The following UNC13C variants were observed in gnomAD, a reference collection of about 807,000 sequenced individuals.
UNC13C encodes the protein unc-13 homolog C, also known as protein unc-13 homolog C.
A neutral mutation model predicts 245.4 loss-of-function variants in UNC13C; 174 were observed. The observed-to-expected ratio is 0.71, with a 90% CI of 0.63 to 0.80. The LOEUF (loss-of-function observed/expected upper bound fraction) is 0.80, where lower values mean the gene tolerates loss of function less well. UNC13C is among the 30% of genes least tolerant of loss of function. UNC13C has a pLI of 0.00. For synonymous variants in UNC13C, 992 were observed against 895.1 expected (o/e 1.11, Z -1.93); for missense variants, 2,829 against 2,602.9 (o/e 1.09, Z -1.89).
At chr15:54,464,497 T>A (rs1451578353) in intron 19 of UNC13C, among the ~76,000 whole-genome samples, 6 of 152,168 alleles carry the variant, frequency 3.9e-5, no homozygotes, top group African/African-American at 1.4e-4. Context: ...AACATCAGAA[T>A]GATGAGTTGT....
rs972027445 is a variant in UNC13C at position 54,330,046 on chromosome 15, C to CT, written c.4426-1987dup. Among the ~76,000 whole-genome samples, 26 of 148,862 alleles carry CT rather than the reference C, an allele frequency of 1.7e-4. 1 individual carries two copies. Among genetic ancestry groups the CT allele is most frequent in the Admixed American group, 9.5e-4 (14 of 14,806 alleles). On this transcript the variant is annotated intron_variant, in intron 14 of 32. Coordinates refer to ENST00000260323, the MANE Select transcript of UNC13C (RefSeq NM_001080534.3). ...TGGGGTAGGATGGATGTAGGCAATC[C>CT]TTTTTTTTTTCCATTCGTTCTTTCC...
chr15:54,260,636 T>C (rs979532795), intron 8 of UNC13C, among the ~76,000 whole-genome samples: 4 of 148,494 alleles, frequency 2.7e-5, no homozygotes, highest in African/African-American at 9.8e-5. Context: ...CACACACCTG[T>C]AGTTTTCAGT....
the UNC13C span, chr15:53,912,594 TG>T: frequency 0.23 from 34,805 of 152,042 alleles, 4,155 homozygotes; most frequent in Non-Finnish European, 0.26. Context: ...GAATATATTC[TG>T]GGGGTGGACA....
intron 27 of UNC13C, among the ~76,000 whole-genome samples, chr15:54,548,537 T>G (rs1183925080): frequency 6.6e-6 from 1 of 152,156 alleles, no homozygotes; most frequent in Non-Finnish European, 1.5e-5. Context: ...TGGTTTTGAT[T>G]GTTCTTCAAA....
chr15:54,412,238 G>A (rs1042655557), intron 18 of UNC13C, among the ~76,000 whole-genome samples: 7 of 151,974 alleles, frequency 4.6e-5, no homozygotes, highest in Non-Finnish European at 8.8e-5. Flanking sequence ...CCGAGACTGA[G>A]TAATTTATAA....
At chr15:53,914,360 A>G in the UNC13C span, 1 of 152,110 alleles carries the variant, frequency 6.6e-6, no homozygotes, top group African/African-American at 2.4e-5. Flanking sequence ...AAAAGGTAGA[A>G]CTGCCCTGTC....
At chr15:53,881,696 T>G in the UNC13C span, among the ~76,000 whole-genome samples, 1 of 152,226 alleles carries the variant, frequency 6.6e-6, no homozygotes, top group Non-Finnish European at 1.5e-5. Context: ...GTTTGAAGGC[T>G]AGATTTTGTT....
chr15:54,578,861 C>T (rs546780884), intron 30 of UNC13C, among the ~76,000 whole-genome samples: 23 of 152,272 alleles, frequency 1.5e-4, no homozygotes, highest in African/African-American at 5.3e-4. Context: ...AAGAATTAGC[C>T]GAGCATGGTG....
intron 2 of UNC13C, among the ~76,000 whole-genome samples, chr15:54,056,400 A>T (rs561303005): frequency 6.6e-6 from 1 of 152,314 alleles, no homozygotes; most frequent in African/African-American, 2.4e-5. Flanking sequence ...CATGAAGAGA[A>T]GTTTAGAGAA....
chr15:54,311,453 T>G (rs186228597), intron 13 of UNC13C, among the ~76,000 whole-genome samples: 1 of 151,758 alleles, frequency 6.6e-6, no homozygotes, highest in Non-Finnish European at 1.5e-5. Flanking sequence ...AAAAACACTA[T>G]GGTAATGCTA....
intron 1 of UNC13C, among the ~76,000 whole-genome samples, chr15:53,979,164 G>A (rs571408447): frequency 2.0e-5 from 3 of 152,264 alleles, no homozygotes; most frequent in Non-Finnish European, 4.4e-5. Context: ...ATAAATGACT[G>A]CTTAGTTTCC....
At chr15:54,308,192 G>A (rs2037775859) in intron 13 of UNC13C, among the ~76,000 whole-genome samples, 1 of 151,886 alleles carries the variant, frequency 6.6e-6, no homozygotes, top group Non-Finnish European at 1.5e-5. Context: ...GAACTGGCAT[G>A]TGAGTTAGAG....
At chr15:54,463,863 C>T in intron 19 of UNC13C, among the ~76,000 whole-genome samples, 1 of 152,054 alleles carries the variant, frequency 6.6e-6, no homozygotes. Context: ...AATGACATGA[C>T]AGAGGGTAAG....
At chr15:54,447,688 G>A (rs151247627) in intron 19 of UNC13C, among the ~76,000 whole-genome samples, 4,483 of 151,632 alleles carry the variant, frequency 0.03, 181 homozygotes, top group Admixed American at 0.12. Flanking sequence ...TCTTGCTAGT[G>A]GTCTATCAAT....
intron 1 of UNC13C, among the ~76,000 whole-genome samples, chr15:53,986,563 GA>G (rs982062120): frequency 1.3e-5 from 2 of 151,826 alleles, no homozygotes; most frequent in African/African-American, 4.8e-5. Context: ...CAGAAGATAT[GA>G]AAAAATTCCA....
At chr15:53,979,030 T>G (rs1359926141) in intron 1 of UNC13C, among the ~76,000 whole-genome samples, 103 bp downstream of exon 1, 2 of 152,168 alleles carry the variant, frequency 1.3e-5, no homozygotes, top group Non-Finnish European at 2.9e-5. Context: ...ATCACAACCA[T>G]GGGGTTCTCT....
chr15:54,196,561 G>A (rs2034360351), intron 4 of UNC13C, among the ~76,000 whole-genome samples: 1 of 152,124 alleles, frequency 6.6e-6, no homozygotes, highest in African/African-American at 2.4e-5. Context: ...GTTCACTCAT[G>A]AGTTTAAATA....
chr15:54,328,007 G>T (rs779085360), intron 14 of UNC13C, among the ~76,000 whole-genome samples: 3 of 152,090 alleles, frequency 2.0e-5, no homozygotes, highest in Non-Finnish European at 4.4e-5. Context: ...GAAAAGGGAG[G>T]TCGAGACCTA....
In UNC13C at chr15:54,013,995, A is replaced by G. The variant is rs1895514019; in HGVS notation, c.1092A>G (p.Gly364=). The change falls in exon 2 of 33, where the codon GGA becomes GGG. Residue 364 remains glycine, a synonymous_variant. Coordinates refer to ENST00000260323, the MANE Select transcript of UNC13C (RefSeq NM_001080534.3). ...AIKIEFAQRI[G]HQRDCPNAKP... ...AAATTGAATTTGCTCAGAGGATAGGACACCAGAGAGACTGCCCAAATGCAA... is the reference window on the plus strand; with the variant it reads ...AAATTGAATTTGCTCAGAGGATAGGGCACCAGAGAGACTGCCCAAATGCAA... The G allele has an allele frequency of 2.5e-6, 4 of 1,613,810 alleles. No individual in the cohort carries two copies.
Sources: allele counts gnomAD v4.1 joint callset (sites outside exome capture counted in the v4.1 genomes callset), GRCh38; gene constraint gnomAD v4.1.1; transcripts MANE v1.5; gene names NCBI Gene and HGNC (gene_info 2026-07-23, HGNC 2026-07-21).